FABP12: variants seen among roughly 807,000 people sequenced by gnomAD.
FABP12 encodes the protein fatty acid-binding protein 12.
Under a neutral mutation model 13.7 loss-of-function variants are expected in FABP12, and 19 were observed. That is an observed-to-expected ratio of 1.39 (90% CI 0.97 to 2.04). The LOEUF (loss-of-function observed/expected upper bound fraction) is 2.04. Among genes scored for constraint, FABP12 ranks in the 30% most tolerant of loss-of-function variants. The probability of loss-of-function intolerance (pLI) is 0.00; values close to 1 mark genes in which losing one functional copy is unlikely to be tolerated. For synonymous variants in FABP12, 61 were observed against 57.0 expected (o/e 1.07, Z -0.32); for missense variants, 182 against 164.2 (o/e 1.11, Z -0.59).
At chr8:81,559,682 T>C (rs2130039786) in intron 1 of FABP12, among the ~76,000 whole-genome samples, 2 of 152,340 alleles carry the variant, frequency 1.3e-5, no homozygotes, top group South Asian at 4.1e-4. Context: ...GCTAACTCTT[T>C]GCAGAAATTT....
chr8:81,588,881 G>A (rs1397422328), intron 1 of FABP12, among the ~76,000 whole-genome samples: 3 of 152,178 alleles, frequency 2.0e-5, no homozygotes, highest in Non-Finnish European at 4.4e-5. Flanking sequence ...GAATATCCCA[G>A]GTGGGGGCTG....
chr8:81,577,789 C>T (rs2130093505), intron 1 of FABP12, among the ~76,000 whole-genome samples: 1 of 152,212 alleles, frequency 6.6e-6, no homozygotes, highest in South Asian at 2.1e-4. Context: ...TAAATGAGGT[C>T]TTTCAGGGAC....
chr8:81,574,414 CT>C (rs1183987490), intron 1 of FABP12, among the ~76,000 whole-genome samples: 44 of 151,554 alleles, frequency 2.9e-4, no homozygotes, highest in Non-Finnish European at 5.8e-4. Context: ...CTGTAGTTTT[CT>C]TTTTTTGTTT....
At chr8:81,535,793 T>C (rs186109151), upstream of FABP12, among the ~76,000 whole-genome samples, 468 of 152,306 alleles carry the variant, frequency 3.1e-3, 1 homozygote, top group Middle Eastern at 0.054. Flanking sequence ...TTGTCACCTA[T>C]TGAGACAAAG....
At chr8:81,541,088 C>T (rs1188151455) in intron 1 of FABP12, among the ~76,000 whole-genome samples, 1 of 151,540 alleles carries the variant, frequency 6.6e-6, no homozygotes, top group Admixed American at 6.6e-5. Context: ...ACTGCTTGAA[C>T]CCGGGAGGTG....
intron 1 of FABP12, among the ~76,000 whole-genome samples, chr8:81,576,494 C>T (rs1307077715): frequency 1.3e-5 from 2 of 151,838 alleles, no homozygotes; most frequent in Admixed American, 6.6e-5. Flanking sequence ...TTATATATAA[C>T]ACAAACACAC....
At chr8:81,582,118 ATTTTTTTT>A (rs34960860) in intron 1 of FABP12, among the ~76,000 whole-genome samples, 2,393 of 96,804 alleles carry the variant, frequency 0.025, 52 homozygotes, top group African/African-American at 0.082. Flanking sequence ...GCTAACTGGA[ATTTTTTTT>A]TTTTTTTTTT....
intron 3 of FABP12, among the ~76,000 whole-genome samples, chr8:81,528,103 A>T (rs1329945465): frequency 1.2e-4 from 18 of 152,076 alleles, no homozygotes; most frequent in Admixed American, 1.2e-3. Context: ...TTTTGGAGAT[A>T]GGGTATCACT....
intron 1 of FABP12, among the ~76,000 whole-genome samples, chr8:81,581,557 G>C (rs1810164839): frequency 1.3e-5 from 2 of 152,144 alleles, no homozygotes; most frequent in Admixed American, 6.5e-5. Context: ...CAAAGACAGA[G>C]AGAATTCTAA....
intron 1 of FABP12, among the ~76,000 whole-genome samples, chr8:81,558,494 G>T (rs557937783): frequency 1.3e-5 from 2 of 152,066 alleles, no homozygotes; most frequent in African/African-American, 4.8e-5. Context: ...CCAGGCTGCC[G>T]CAGTCCCTGA....
At chr8:81,581,082 G>A (rs114547942) in intron 1 of FABP12, among the ~76,000 whole-genome samples, 2,642 of 152,244 alleles carry the variant, frequency 0.017, 59 homozygotes, top group African/African-American at 0.058. Flanking sequence ...AAGGGCAAGA[G>A]AAAATCAACA....
intron 1 of FABP12, among the ~76,000 whole-genome samples, chr8:81,570,898 A>T (rs1234373355): frequency 6.6e-6 from 1 of 152,056 alleles, no homozygotes; most frequent in African/African-American, 2.4e-5. Context: ...CCCAGCCCCC[A>T]GCCTTCAGGC....
chr8:81,589,307 A>C (rs943933231), intron 1 of FABP12, among the ~76,000 whole-genome samples: 26 of 152,236 alleles, frequency 1.7e-4, no homozygotes, highest in Admixed American at 6.5e-5. Flanking sequence ...CTATAATCTC[A>C]GCACTTTGGG....
rs529145284 is a variant in FABP12 at position 81,560,093 on chromosome 8, T to G, written c.-184-20350A>C. Among the ~76,000 whole-genome samples, 3 of 152,328 alleles carry G rather than the reference T, an allele frequency of 2.0e-5. No individual in the cohort carries two copies. The East Asian group carries it at 5.8e-4, about 29-fold the overall frequency. On this transcript the variant is annotated intron_variant, in intron 1 of 5. Coordinates refer to the FABP12 transcript ENST00000692030. ...TAATTAAAAGTATTTCCCAACAGAA[T>G]AGTTTCTCACCATTCCCTCAGCTAT...
intron 1 of FABP12, among the ~76,000 whole-genome samples, chr8:81,579,719 C>T (rs1563558837): frequency 6.6e-6 from 1 of 152,198 alleles, no homozygotes; most frequent in Non-Finnish European, 1.5e-5. Context: ...AGGATATAAA[C>T]AAAGTGATTT....
At chr8:81,571,571 G>A (rs10105214) in intron 1 of FABP12, among the ~76,000 whole-genome samples, 16,756 of 152,240 alleles carry the variant, frequency 0.11, 1,114 homozygotes, top group East Asian at 0.26. Context: ...TATTTTATGT[G>A]AGGAAGGATT....
upstream of FABP12, among the ~76,000 whole-genome samples, chr8:81,535,328 CA>C (rs1325432726): frequency 6.6e-6 from 1 of 152,146 alleles, no homozygotes; most frequent in Non-Finnish European, 1.5e-5. Flanking sequence ...ACCATCTTAT[CA>C]AGGGATGGAG....
intron 1 of FABP12, among the ~76,000 whole-genome samples, chr8:81,552,226 AC>A (rs1455020076): frequency 2.6e-5 from 4 of 152,200 alleles, no homozygotes; most frequent in Non-Finnish European, 4.4e-5. Context: ...GTGGGGAAGA[AC>A]ATTCCAAGCG....
At chr8:81,558,545 A>G (rs559589183) in intron 1 of FABP12, among the ~76,000 whole-genome samples, 160 of 152,216 alleles carry the variant, frequency 1.1e-3, no homozygotes, top group African/African-American at 3.8e-3. Flanking sequence ...GGCAAAACCC[A>G]TGTGCCCTCA....
Sources: gnomAD v4.1 joint callset for allele counts (sites outside exome capture counted in the v4.1 genomes callset) on GRCh38, gnomAD v4.1.1 for gene constraint, MANE v1.5 for transcripts, NCBI Gene and HGNC (gene_info 2026-07-23, HGNC 2026-07-21) for gene names.